DNMT1: variants seen among roughly 807,000 people sequenced by gnomAD.
DNMT1 encodes the protein DNA methyltransferase 1, also known as DNA (cytosine-5)-methyltransferase 1.
Under a neutral mutation model 205.3 loss-of-function variants are expected in DNMT1, and 24 were observed. The ratio of observed to expected loss-of-function variants is 0.12; its 90% confidence interval spans 0.08 to 0.16. The LOEUF (loss-of-function observed/expected upper bound fraction) is 0.16, where lower values mean the gene tolerates loss of function less well. DNMT1 is among the 10% of genes least tolerant of loss of function. DNMT1 has a pLI of 1.00. For missense variants in DNMT1, 1,293 were observed against 2,177.7 expected (o/e 0.59, Z 8.09); for synonymous variants, 817 against 839.8 (o/e 0.97, Z 0.47).
intron 1 of DNMT1, among the ~76,000 whole-genome samples, chr19:10,192,987 C>T (rs2039330412): frequency 6.6e-6 from 1 of 152,084 alleles, no homozygotes; most frequent in African/African-American, 2.4e-5. Context: ...GTGGAGGTTG[C>T]AGTGAGCCGA....
intron 38 of DNMT1, 65 bp downstream of exon 38, chr19:10,136,056 C>T: frequency 6.2e-7 from 1 of 1,608,444 alleles, no homozygotes; most frequent in Non-Finnish European, 8.5e-7. Context: ...ACCCACACTT[C>T]CACCTAGTTA....
At chr19:10,152,160 C>CAAAAAAAAAAAAAAAAAAAAAAAAAAA (rs56725732) in intron 22 of DNMT1, among the ~76,000 whole-genome samples, 1 of 14,336 alleles carries the variant, frequency 7.0e-5, no homozygotes, top group African/African-American at 4.5e-4. Flanking sequence ...AACTCCATCT[C>CAAAAAAAAAAAAAAAAAAAAAAAAAAA]AAAAAAAAAA....
Position 10,178,902 on chromosome 19 carries a change from G to A in DNMT1, c.493+1285C>T, listed in dbSNP as rs370106597. 4.6e-5 allele frequency among the ~76,000 whole-genome samples: 7 copies of A among 152,010 alleles called. No homozygotes were observed. In the East Asian group the frequency reaches 7.8e-4, roughly 17 times the overall value. On this transcript the variant is annotated intron_variant, in intron 5 of 40. Coordinates refer to ENST00000359526, the MANE Select transcript of DNMT1 (RefSeq NM_001130823.3). ...AGCACTTTGGGAGGCCGAGGCGGGC[G>A]GATCATGAGGTCAGGAGATCGAAAT...
In DNMT1 at chr19:10,159,935, G is replaced by A; in HGVS notation, c.1090-13C>T. The A allele has an allele frequency of 1.2e-6, 2 of 1,614,204 alleles. No homozygotes were observed. Among genetic ancestry groups the A allele is most frequent in the Non-Finnish European group, 1.7e-6 (2 of 1,180,034 alleles). ...TGGGAGGGTGGGTCTGTGGGAGCAG[G>A]AACACAGATGATGGCACTCAGAGAG... On this transcript the variant is annotated splice_polypyrimidine_tract_variant and intron_variant, in intron 15 of 40. Coordinates refer to ENST00000359526, the MANE Select transcript of DNMT1 (RefSeq NM_001130823.3). The surrounding 1 kb of genome is among the most constrained non-coding windows in gnomAD (Gnocchi z 5.0).
intron 9 of DNMT1, among the ~76,000 whole-genome samples, chr19:10,170,278 C>T (rs1475853434): frequency 6.6e-6 from 1 of 151,890 alleles, no homozygotes; most frequent in Non-Finnish European, 1.5e-5. Context: ...GAGCAAAATT[C>T]CATCTCAATT....
chr19:10,191,631 A>C (rs2039306805), intron 1 of DNMT1, among the ~76,000 whole-genome samples: 1 of 152,128 alleles, frequency 6.6e-6, no homozygotes, highest in Admixed American at 6.6e-5. Flanking sequence ...AGGCTTTGGC[A>C]AGCAGCAGAC....
At chr19:10,185,285 C>T (rs1162942017) in intron 1 of DNMT1, among the ~76,000 whole-genome samples, 1 of 151,914 alleles carries the variant, frequency 6.6e-6, no homozygotes, top group Admixed American at 6.6e-5. Context: ...ATTAGCCAGG[C>T]GTGGTGGTGG....
At chr19:10,186,398 C>A (rs1179225937) in intron 1 of DNMT1, among the ~76,000 whole-genome samples, 1 of 152,088 alleles carries the variant, frequency 6.6e-6, no homozygotes, top group Non-Finnish European at 1.5e-5. Flanking sequence ...ACCGATCACA[C>A]CTGCTGAAGC....
chr19:10,148,674 C>G lies in DNMT1; in HGVS notation c.2720+210G>C, dbSNP rs77540910. ...TGTTCCTGGGTAGGGAACCCTCTTACAAAGACAACGCCAGGTCATCCACAC... is the reference window on the plus strand; with the variant it reads ...TGTTCCTGGGTAGGGAACCCTCTTAGAAAGACAACGCCAGGTCATCCACAC... On this transcript the variant is annotated intron_variant, in intron 27 of 40. Transcript: ENST00000359526. 4.3e-3 allele frequency among the ~76,000 whole-genome samples: 659 copies of G among 152,214 alleles called. 3 individuals carry two copies. Among genetic ancestry groups the G allele is most frequent in the Non-Finnish European group, 6.1e-3 (416 of 68,006 alleles).
chr19:10,173,893 G>A lies in DNMT1; in HGVS notation c.661C>T (p.Arg221Cys), dbSNP rs1194542262. 8 of 1,613,810 alleles carry A rather than the reference G, an allele frequency of 5.0e-6. No homozygotes were observed. The highest frequency in any genetic ancestry group is 5.9e-6 in the Non-Finnish European group (7 of 1,179,880). The change falls in exon 8 of 41, where the codon CGT becomes TGT. Residue 221 changes from arginine to cysteine, a missense_variant. Coordinates refer to ENST00000359526, the MANE Select transcript of DNMT1 (RefSeq NM_001130823.3). ...EEDKDQDEKR[R>C]RVTSRERVAR... ...TACCGTTCTCTGGATGTAACTCTAC[G>A]TCTCTTCTCATCCTGTGTGGAGGGA...
intron 7 of DNMT1, 25 bp downstream of exon 7, chr19:10,175,515 C>A: frequency 3.1e-6 from 5 of 1,613,508 alleles, no homozygotes; most frequent in Non-Finnish European, 4.2e-6. Context: ...AAGGTAGAGT[C>A]AGGAAATGAA....
At chr19:10,164,632 CAA>C (rs1278773226) in intron 11 of DNMT1, among the ~76,000 whole-genome samples, 4 of 151,650 alleles carry the variant, frequency 2.6e-5, no homozygotes, top group Non-Finnish European at 5.9e-5. Context: ...AACAAACAAA[CAA>C]ACAAACAAAC....
At chr19:10,187,545 G>A (rs2039214347) in intron 1 of DNMT1, among the ~76,000 whole-genome samples, 1 of 151,810 alleles carries the variant, frequency 6.6e-6, no homozygotes, top group Non-Finnish European at 1.5e-5. Flanking sequence ...TGACCAGCCT[G>A]GGCAATACAG....
chr19:10,136,757 GTT>G (rs111746390), intron 37 of DNMT1, among the ~76,000 whole-genome samples: 9 of 143,454 alleles, frequency 6.3e-5, no homozygotes, highest in Admixed American at 4.1e-4. Context: ...TTTATTTATT[GTT>G]TTTTTTTTTT....
At chr19:10,189,104 C>T (rs866535055) in intron 1 of DNMT1, among the ~76,000 whole-genome samples, 4 of 150,512 alleles carry the variant, frequency 2.7e-5, no homozygotes, top group South Asian at 2.1e-4. Flanking sequence ...GATTATGAAT[C>T]GCTGAAGACT....
In DNMT1 at chr19:10,149,609, G is replaced by A. The variant is rs1316143407; in HGVS notation, c.2430C>T (p.Ala810=). 18 of 1,613,908 alleles carry A rather than the reference G, an allele frequency of 1.1e-5. No individual in the cohort carries two copies. The highest frequency in any genetic ancestry group is 1.4e-5 in the Non-Finnish European group (17 of 1,180,038). The change falls in exon 26 of 41, where the codon GCC becomes GCT. Residue 810 remains alanine, a synonymous_variant. Transcript: ENST00000359526. ...EDSSNGQMFH[A]HWFCAGTDTV... is the part of the protein sequence containing the mutation. ...TGTCTGTCCCAGCGCAGAACCAGTG[G>A]GCGTGAAACATCTGCCCGTTGCTGC...
chr19:10,139,009 T>G (rs898294529), intron 34 of DNMT1, among the ~76,000 whole-genome samples: 1 of 152,232 alleles, frequency 6.6e-6, no homozygotes, highest in Non-Finnish European at 1.5e-5. Context: ...TGAGTCGCCC[T>G]GAGGCTGAGC....
chr19:10,166,076 TTCA>T (rs2038687664), intron 11 of DNMT1, among the ~76,000 whole-genome samples: 3 of 151,510 alleles, frequency 2.0e-5, no homozygotes, highest in Admixed American at 1.3e-4. Flanking sequence ...TTCCCTAGAG[TTCA>T]TGCAGGAGGG....
rs143925123 is a variant in DNMT1 at position 10,156,470 on chromosome 19, G to A, written c.1320C>T (p.Thr440=). ...CKHGHLCPID[T]GLIEKNIELF... ...GTTCGATATTCTTCTCGATGAGGCC[G>A]GTGTCGATGGGACACAGGTGACCGT... is the stretch of plus-strand genomic sequence containing the variant. The change falls in exon 18 of 41, where the codon ACC becomes ACT. Residue 440 remains threonine (T), a synonymous_variant. Coordinates refer to ENST00000359526, the MANE Select transcript of DNMT1 (RefSeq NM_001130823.3). This position sits in a 1 kb window ranked among gnomAD's most constrained non-coding sequence, Gnocchi z 4.2. 111 of 1,613,098 alleles carry A rather than the reference G, an allele frequency of 6.9e-5. No homozygotes were observed. Among genetic ancestry groups the A allele is most frequent in the Non-Finnish European group, 8.8e-5 (104 of 1,179,462 alleles).
Sources: allele counts gnomAD v4.1 joint callset (sites outside exome capture counted in the v4.1 genomes callset), GRCh38; gene constraint gnomAD v4.1.1; non-coding constraint Gnocchi (gnomAD v3.1); transcripts MANE v1.5; gene names NCBI Gene and HGNC (gene_info 2026-07-23, HGNC 2026-07-21).